PLEKHA7: variants seen among roughly 807,000 people sequenced by gnomAD.
PLEKHA7 encodes the protein pleckstrin homology domain-containing family A member 7.
In PLEKHA7, 104 loss-of-function variants were observed where a neutral mutation model predicts 170.0. The ratio of observed to expected loss-of-function variants is 0.61; its 90% confidence interval spans 0.52 to 0.72. The LOEUF (loss-of-function observed/expected upper bound fraction) is 0.72. PLEKHA7 is among the 30% of genes least tolerant of loss of function. The pLI is 0.00. For synonymous variants in PLEKHA7, 648 were observed against 660.8 expected, an observed-to-expected ratio of 0.98 and a Z score of 0.30; for missense variants, 1,615 against 1,671.7, an observed-to-expected ratio of 0.97 and a Z score of 0.59.
At chr11:16,873,355 C>G (rs1855020397) in intron 3 of PLEKHA7, among the ~76,000 whole-genome samples, 1 of 152,182 alleles carries the variant, frequency 6.6e-6, no homozygotes, top group Non-Finnish European at 1.5e-5. Context: ...TTAGAGCAGC[C>G]TGAACCCTAA....
chr11:16,962,156 T>C (rs1392540301), intron 3 of PLEKHA7, among the ~76,000 whole-genome samples: 1 of 152,222 alleles, frequency 6.6e-6, no homozygotes. Context: ...ATGACTGATG[T>C]ACATGGTGGC....
chr11:16,804,411 A>G (rs1248276417), intron 13 of PLEKHA7, among the ~76,000 whole-genome samples: 2 of 152,094 alleles, frequency 1.3e-5, no homozygotes, highest in Non-Finnish European at 2.9e-5. Context: ...GTCAGTGTGG[A>G]TTGGGGGTGG....
rs559795787 is a variant in PLEKHA7 at position 17,012,128 on chromosome 11, G to A, written c.221+1861C>T. Among the ~76,000 whole-genome samples, 3 of 152,240 alleles carry A rather than the reference G, an allele frequency of 2.0e-5. No homozygotes were observed. In the South Asian group the frequency reaches 6.2e-4, roughly 32 times the overall value. ...CTGCTCTCCTGCCTCCCCCTGCAGT[G>A]GCCACCTACAATCCAATCTCCTCAC... On this transcript the variant is annotated intron_variant, in intron 3 of 26. Coordinates refer to ENST00000531066, the MANE Select transcript of PLEKHA7 (RefSeq NM_001329630.2).
At chr11:16,886,814 A>T (rs1282350841) in intron 3 of PLEKHA7, among the ~76,000 whole-genome samples, 1 of 152,018 alleles carries the variant, frequency 6.6e-6, no homozygotes, top group East Asian at 1.9e-4. Flanking sequence ...GTATTTCTTC[A>T]TTCATTTAAC....
chr11:16,941,492 CTTAA>C (rs1451431084), intron 3 of PLEKHA7, among the ~76,000 whole-genome samples: 1 of 152,200 alleles, frequency 6.6e-6, no homozygotes, highest in Non-Finnish European at 1.5e-5. Context: ...CTAGTGACCT[CTTAA>C]TTTAGAATCA....
chr11:16,956,533 C>G, intron 3 of PLEKHA7, among the ~76,000 whole-genome samples: 1 of 152,228 alleles, frequency 6.6e-6, no homozygotes, highest in East Asian at 1.9e-4. Context: ...GCTCTCTCTA[C>G]TGATTAACAG....
chr11:16,906,273 A>AGGAAGGAG (rs1554968174), intron 3 of PLEKHA7, among the ~76,000 whole-genome samples: 16 of 116,150 alleles, frequency 1.4e-4, no homozygotes, highest in African/African-American at 4.7e-4. Context: ...GAAGGAAGGA[A>AGGAAGGAG]GGAAGGAAAG....
chr11:16,835,931 T>C (rs57833220), intron 9 of PLEKHA7, among the ~76,000 whole-genome samples: 3,176 of 152,280 alleles, frequency 0.021, 112 homozygotes, highest in African/African-American at 0.072. Context: ...TAACACTTCC[T>C]TGGGAATGTG....
chr11:16,830,397 G>A (rs1020566302), intron 9 of PLEKHA7, among the ~76,000 whole-genome samples: 15 of 152,280 alleles, frequency 9.9e-5, no homozygotes, highest in African/African-American at 3.4e-4. Context: ...TGGCCAAGTC[G>A]CTGAAGATTT....
At position 16,820,429 on chromosome 11, in the gene PLEKHA7, T is replaced by C. The variant is rs1850117125; in HGVS notation, c.1344-3107A>G. ...TAATTTTAAGATCTCTTCAACCTAC[T>C]TGTCGTGCCTGCCAAGTGAGTCGGC... On this transcript the variant is annotated intron_variant, in intron 10 of 26. Coordinates refer to ENST00000531066, the MANE Select transcript of PLEKHA7 (RefSeq NM_001329630.2). 2.6e-5 allele frequency among the ~76,000 whole-genome samples: 4 copies of C among 152,210 alleles called. No homozygotes were observed. The South Asian group carries it at 8.3e-4, about 32-fold the overall frequency.
chr11:16,803,317 A>T, intron 13 of PLEKHA7, 22 bp from the exon 14 acceptor site: 1 of 1,601,214 alleles, frequency 6.2e-7, no homozygotes, highest in Non-Finnish European at 8.6e-7. Flanking sequence ...ACAATTTAAA[A>T]GAGATTTAAC....
At chr11:16,933,069 T>C (rs1860053098) in intron 3 of PLEKHA7, among the ~76,000 whole-genome samples, 1 of 152,230 alleles carries the variant, frequency 6.6e-6, no homozygotes, top group Non-Finnish European at 1.5e-5. Flanking sequence ...TTCTGTATCT[T>C]CTATGTAGAG....
Position 17,014,182 on chromosome 11 carries a change from T to C in PLEKHA7, c.106A>G (p.Thr36Ala), listed in dbSNP as rs775494594. ...FFINDQLRCT[T>A]WLHPRTGEPV... ...TCCCCGGTGCGCGGATGCAGCCAGG[T>C]CGTGCAGCGGAGCTGGTCACTGCGG... Residue 36 changes from threonine (T) to alanine (A), a missense_variant, in exon 2 of 27, where the codon ACC (threonine) becomes GCC (alanine). Coordinates refer to ENST00000531066, the MANE Select transcript of PLEKHA7 (RefSeq NM_001329630.2). 6.3e-7 allele frequency: 1 copy of C among 1,597,054 alleles called. No individual in the cohort carries two copies. The highest frequency in any genetic ancestry group is 8.5e-7 in the Non-Finnish European group (1 of 1,173,638).
intron 17 of PLEKHA7, among the ~76,000 whole-genome samples, chr11:16,797,075 C>CA (rs1246799672): frequency 6.6e-6 from 1 of 151,842 alleles, no homozygotes; most frequent in African/African-American, 2.4e-5. Context: ...TTATAAACTC[C>CA]AAAAAAATAC....
Position 16,782,818 on chromosome 11 carries a change from C to G in PLEKHA7, c.3729G>C (p.Glu1243Asp). 1 of 1,536,186 alleles carries G rather than the reference C, an allele frequency of 6.5e-7. No homozygotes were observed. Among genetic ancestry groups the G allele is most frequent in the South Asian group, 1.2e-5 (1 of 84,066 alleles). Reference sequence around the variant, plus strand: ...GGGCGTAGGAGATGTTGATGATGCGCTCCTGCTCCTGCAGCTGCAAGTCCA... The same window carrying G: ...GGGCGTAGGAGATGTTGATGATGCGGTCCTGCTCCTGCAGCTGCAAGTCCA... Reference protein sequence around the residue: ...ADLDLQLQEQERIINISYALA... With the variant: ...ADLDLQLQEQDRIINISYALA... The change falls in exon 26 of 27, where the codon GAG (glutamate) becomes GAC (aspartate). Residue 1243 changes from glutamate to aspartate, a missense_variant. Physicochemically the swap from Glu to Asp is conservative, Grantham distance 45. Coordinates refer to ENST00000531066, the MANE Select transcript of PLEKHA7 (RefSeq NM_001329630.2).
chr11:16,937,501 G>A (rs985714550), intron 3 of PLEKHA7, among the ~76,000 whole-genome samples: 1 of 152,124 alleles, frequency 6.6e-6, no homozygotes, highest in African/African-American at 2.4e-5. Flanking sequence ...CATATAATGA[G>A]GAGTGAATAA....
chr11:16,805,870 T>G (rs1250500888), intron 13 of PLEKHA7, among the ~76,000 whole-genome samples: 1 of 151,682 alleles, frequency 6.6e-6, no homozygotes, highest in Non-Finnish European at 1.5e-5. Flanking sequence ...TTCAAAGGAC[T>G]ATAAGCTCGA....
At chr11:16,915,666 T>C (rs1028758798) in intron 3 of PLEKHA7, among the ~76,000 whole-genome samples, 3 of 151,740 alleles carry the variant, frequency 2.0e-5, no homozygotes, top group Non-Finnish European at 4.4e-5. Flanking sequence ...TCCAATTTCA[T>C]CCATGTCCCT....
chr11:16,919,133 G>T (rs1159935598), intron 3 of PLEKHA7, among the ~76,000 whole-genome samples: 1 of 152,228 alleles, frequency 6.6e-6, no homozygotes, highest in Non-Finnish European at 1.5e-5. Flanking sequence ...AGAATCGCTT[G>T]TACCTGGGAG....
Sources: gnomAD v4.1 joint callset for allele counts (sites outside exome capture counted in the v4.1 genomes callset) on GRCh38, gnomAD v4.1.1 for gene constraint, MANE v1.5 for transcripts, NCBI Gene and HGNC (gene_info 2026-07-23, HGNC 2026-07-21) for gene names.